The following NUDT5 variants were observed in gnomAD, a reference collection of about 807,000 sequenced individuals.
NUDT5 encodes the protein ADP-sugar pyrophosphatase.
In NUDT5, 21 loss-of-function variants were observed where a neutral mutation model predicts 34.1. The ratio of observed to expected loss-of-function variants is 0.62; its 90% CI spans 0.44 to 0.89. The LOEUF is 0.89. Ranked by LOEUF, NUDT5 falls within the 40% of genes least tolerant of loss-of-function variation. NUDT5 has a pLI of 0.00. For synonymous variants in NUDT5, 85 were observed against 97.6 expected (o/e 0.87, Z 0.76); for missense variants, 249 against 274.8 (o/e 0.91, Z 0.66).
Position 12,170,383 on chromosome 10 carries a change from T to C in NUDT5, c.550+334A>G. The C allele has an allele frequency of 1.6e-6, 1 of 642,608 alleles. No homozygotes were observed. The allele number at this position is 642,608 out of a possible 1,614,324, so 39.8% of individuals were successfully genotyped here. A position where few individuals can be genotyped will look rare whatever the true frequency, so the allele number is the denominator to read the frequency against. On this transcript the variant is annotated intron_variant, in intron 9 of 9. Transcript: ENST00000491614. This position sits in a 1 kb window ranked among gnomAD's most constrained non-coding sequence, Gnocchi z 4.9. ...TACTTGAGGAAAAGCTAACAGCTTA[T>C]CTACCCACACCTTTGCATTGCTATG...
In NUDT5 at chr10:12,179,109, G is replaced by A. The variant is rs1253097347; in HGVS notation, c.155C>T (p.Thr52Ile). The A allele has an allele frequency of 3.7e-6, 6 of 1,613,862 alleles. No individual in the cohort carries two copies. The African/African-American group carries it at 5.3e-5, about 14-fold the overall frequency. Residue 52 changes from threonine to isoleucine, a missense_variant, in exon 4 of 10, where the codon ACA becomes ATA. Thr to Ile is a moderately conservative substitution (Grantham distance 89). Coordinates refer to ENST00000491614, the MANE Select transcript of NUDT5 (RefSeq NM_014142.4). Reference protein sequence around the residue: ...KTRTWESVKRTTRKEQTADGV... With the variant: ...KTRTWESVKRITRKEQTADGV... Reference sequence around the variant, plus strand: ...ATCCGCAGTCTGCTCTTTCCTGGTTGTACGTTTCACTGATTCCCAAGTTCT... The same window carrying A: ...ATCCGCAGTCTGCTCTTTCCTGGTTATACGTTTCACTGATTCCCAAGTTCT...
Position 12,170,242 on chromosome 10 carries a change from G to A in NUDT5, c.550+475C>T. On this transcript the variant is annotated intron_variant, in intron 9 of 9. Transcript: ENST00000491614. This position sits in a 1 kb window ranked among gnomAD's most constrained non-coding sequence, Gnocchi z 4.9. ...CCACACAGCTGGTTTGGTTTATTAT[G>A]TGAAAAGCATATCACACGGAGTATA... is the stretch of plus-strand genomic sequence containing the variant. The A allele has an allele frequency of 1.3e-6, 2 of 1,560,378 alleles. No individual in the cohort carries two copies. Among genetic ancestry groups the A allele is most frequent in the Non-Finnish European group, 1.8e-6 (2 of 1,132,836 alleles).
chr10:12,195,357 G>A (rs891936906), intron 1 of NUDT5, among the ~76,000 whole-genome samples: 1 of 152,220 alleles, frequency 6.6e-6, no homozygotes, highest in Admixed American at 6.5e-5. Context: ...CAACTTTTGC[G>A]AGGCCAGACT....
Position 12,170,456 on chromosome 10 carries a change from G to T in NUDT5, c.550+261C>A. 1.6e-6 allele frequency: 1 copy of T among 614,180 alleles called. No individual in the cohort carries two copies. 38.0% of individuals were successfully genotyped at this position (614,180 alleles called of 1,614,324 possible). A position where few individuals can be genotyped will look rare whatever the true frequency, so the allele number is the denominator to read the frequency against. On this transcript the variant is annotated intron_variant, in intron 9 of 9. Coordinates refer to ENST00000491614, the MANE Select transcript of NUDT5 (RefSeq NM_014142.4). This position sits in a 1 kb window ranked among gnomAD's most constrained non-coding sequence, Gnocchi z 4.9. Reference sequence around the variant, plus strand: ...ATCGTTTTGGCTACTCAGCAGGAATGTCATCTGGGCCATTCTGTAGGAGAA... The same window carrying T: ...ATCGTTTTGGCTACTCAGCAGGAATTTCATCTGGGCCATTCTGTAGGAGAA...
chr10:12,172,454 T>G, intron 7 of NUDT5: 1 of 349,572 alleles, frequency 2.9e-6, no homozygotes, highest in Non-Finnish European at 5.4e-6. Flanking sequence ...ACCAGGGTGA[T>G]TTAAGTTTCT....
chr10:12,185,980 A>G (rs563590732), intron 2 of NUDT5, among the ~76,000 whole-genome samples: 3 of 152,340 alleles, frequency 2.0e-5, no homozygotes, highest in East Asian at 1.9e-4. Context: ...AGGGAAATAC[A>G]GGAAGGATTA....
chr10:12,188,438 C>T (rs1019721200), intron 1 of NUDT5, among the ~76,000 whole-genome samples: 19 of 152,098 alleles, frequency 1.2e-4, no homozygotes, highest in African/African-American at 3.4e-4. Flanking sequence ...AGGAAAGTGG[C>T]GGTGAGGCCG....
chr10:12,172,584 T>C, intron 7 of NUDT5, 181 bp downstream of exon 7: 1 of 599,274 alleles, frequency 1.7e-6, no homozygotes, highest in Non-Finnish European at 3.0e-6. Context: ...ATGAATGAAG[T>C]GGCAAAAGAA....
intron 5 of NUDT5, among the ~76,000 whole-genome samples, chr10:12,177,318 G>A (rs1419489795): frequency 1.3e-5 from 2 of 152,058 alleles, no homozygotes; most frequent in African/African-American, 2.4e-5. Flanking sequence ...AGGAGATCGA[G>A]ACCATCCTGG....
At chr10:12,185,456 G>A (rs765161834) in intron 2 of NUDT5, among the ~76,000 whole-genome samples, 1 of 152,338 alleles carries the variant, frequency 6.6e-6, no homozygotes, top group African/African-American at 2.4e-5. Flanking sequence ...ATCATGACAC[G>A]TGGGTTTCCC....
Position 12,168,053 on chromosome 10 carries a change from C to CT in NUDT5, c.551-243dup, listed in dbSNP as rs956205543. On this transcript the variant is annotated intron_variant, in intron 9 of 9. Transcript: ENST00000491614. This position sits in a 1 kb window ranked among gnomAD's most constrained non-coding sequence, Gnocchi z 4.8. ...TTTTTTTTTTTTTTGGTGAGACAGT[C>CT]TCGCTCTGTTGCCCAAGCTAGAGGG... Among the ~76,000 whole-genome samples the CT allele has an allele frequency of 1.3e-5, 2 of 149,180 alleles. No individual in the cohort carries two copies. The highest frequency in any genetic ancestry group is 1.3e-4 in the Admixed American group (2 of 15,002).
chr10:12,192,880 G>A (rs1035723272), intron 1 of NUDT5, among the ~76,000 whole-genome samples: 1 of 152,030 alleles, frequency 6.6e-6, no homozygotes, highest in African/African-American at 2.4e-5. Context: ...ATATTCTGAT[G>A]TATCCTTCTT....
At chr10:12,186,085 G>A (rs889530351) in intron 2 of NUDT5, 144 bp downstream of exon 2, 34 of 658,752 alleles carry the variant, frequency 5.2e-5, no homozygotes, top group East Asian at 8.1e-5. Flanking sequence ...AGCAAAATGT[G>A]CCCGAGCCCA....
chr10:12,184,217 T>C (rs990569549), intron 3 of NUDT5, among the ~76,000 whole-genome samples: 23 of 152,148 alleles, frequency 1.5e-4, no homozygotes, highest in African/African-American at 5.3e-4. Flanking sequence ...CAGCTATTTT[T>C]TGTATTTTTA....
At chr10:12,167,985 A>C in intron 9 of NUDT5, 174 bp from the exon 10 acceptor site, 1 of 1,224,974 alleles carries the variant, frequency 8.2e-7, no homozygotes, top group Non-Finnish European at 1.1e-6. Flanking sequence ...TATAAAGGCA[A>C]GATTACATTC....
At chr10:12,172,955 G>T in intron 6 of NUDT5, 89 bp from the exon 7 acceptor site, 1 of 928,246 alleles carries the variant, frequency 1.1e-6, no homozygotes, top group Non-Finnish European at 1.7e-6. Context: ...CCGCAGCTCA[G>T]CATTGACGTG....
rs1156964897 is a variant in NUDT5 at position 12,186,615 on chromosome 10, TTTC to T, written c.-41-286_-41-284del. On this transcript the variant is annotated intron_variant, in intron 1 of 9. Transcript: ENST00000491614. ...AGAGGCCACCCTTCTTCATCAGATT[TTTC>T]TTTTTTTTTTTTTCTTTTTTGTTTT... is the stretch of plus-strand genomic sequence containing the variant. 9.2e-3 allele frequency among the ~76,000 whole-genome samples: 965 copies of T among 104,466 alleles called. 11 individuals are homozygous for T. Among genetic ancestry groups the T allele is most frequent in the African/African-American group, 0.033 (891 of 27,360 alleles). 68.5% of individuals were successfully genotyped at this position (104,466 alleles called of 152,430 possible).
rs1313543729 is a variant in NUDT5 at position 12,181,022 on chromosome 10, C to A, written c.132-1890G>T. Among the ~76,000 whole-genome samples the A allele has an allele frequency of 6.6e-6, 1 of 152,186 alleles. No individual in the cohort carries two copies. Among genetic ancestry groups the A allele is most frequent in the Non-Finnish European group, 1.5e-5 (1 of 68,042 alleles). ...GAATGAGACGGTGGAACATAGGATT[C>A]TCTAGCTGCTATTTTATCTCTTAGA... On this transcript the variant is annotated intron_variant, in intron 3 of 9. Coordinates refer to ENST00000491614, the MANE Select transcript of NUDT5 (RefSeq NM_014142.4). The surrounding 1 kb of genome is among the most constrained non-coding windows in gnomAD (Gnocchi z 5.0).
chr10:12,176,672 A>G (rs970844865), intron 5 of NUDT5, among the ~76,000 whole-genome samples: 9 of 152,258 alleles, frequency 5.9e-5, no homozygotes, highest in Non-Finnish European at 1.3e-4. Flanking sequence ...AGATGGGAAC[A>G]ATCCAATAAA....
Sources: allele counts gnomAD v4.1 joint callset (sites outside exome capture counted in the v4.1 genomes callset), GRCh38; gene constraint gnomAD v4.1.1; non-coding constraint Gnocchi (gnomAD v3.1); transcripts MANE v1.5; gene names NCBI Gene and HGNC (gene_info 2026-07-23, HGNC 2026-07-21).